VMP1: variants seen among roughly 807,000 people sequenced by gnomAD.
VMP1 encodes vacuole membrane protein 1.
A neutral mutation model predicts 56.0 loss-of-function variants in VMP1; 11 were observed. That is an observed-to-expected ratio of 0.20 (90% CI 0.12 to 0.32). VMP1 has a LOEUF of 0.32. VMP1 is among the 10% of genes least tolerant of loss of function. The pLI is 1.00. For synonymous variants in VMP1, 149 were observed against 165.0 expected, an observed-to-expected ratio of 0.90 and a Z score of 0.74; for missense variants, 296 against 490.3, an observed-to-expected ratio of 0.60 and a Z score of 3.74.
At chr17:59,738,113 A>T (rs1348860711) in intron 4 of VMP1, among the ~76,000 whole-genome samples, 2 of 152,208 alleles carry the variant, frequency 1.3e-5, no homozygotes, top group Non-Finnish European at 2.9e-5. Context: ...TCACAGCAGC[A>T]TGAATCCGTT....
At chr17:59,799,306 T>C (rs1259992144) in intron 7 of VMP1, among the ~76,000 whole-genome samples, 2 of 152,196 alleles carry the variant, frequency 1.3e-5, no homozygotes, top group East Asian at 1.9e-4. Context: ...TGCAGTATTA[T>C]AGAGTTTTAC....
At chr17:59,802,694 T>A (rs900112082) in intron 7 of VMP1, among the ~76,000 whole-genome samples, 3 of 152,126 alleles carry the variant, frequency 2.0e-5, no homozygotes. Context: ...GCCTCCTGAG[T>A]AGCTAGGATT....
intron 5 of VMP1, among the ~76,000 whole-genome samples, chr17:59,748,835 A>G (rs2035528694): frequency 6.6e-6 from 1 of 151,890 alleles, no homozygotes; most frequent in Non-Finnish European, 1.5e-5. Flanking sequence ...GGCAATTTGG[A>G]CCAACTCTCC....
Position 59,841,432 on chromosome 17 carries a change from T to C in VMP1, c.*1521T>C, listed in dbSNP as rs532499147. ...ATAATCAGAAACTCTGGTCCTTCTG[T>C]CTGGTGGCACTTAGAGTCTTTTGTG... On this transcript the variant is annotated 3_prime_UTR_variant, in exon 12 of 12. Coordinates refer to ENST00000262291, the MANE Select transcript of VMP1 (RefSeq NM_030938.5). The C allele has an allele frequency of 2.7e-6, 1 of 372,052 alleles. No homozygotes were observed. The highest frequency in any genetic ancestry group is 6.7e-5 in the East Asian group (1 of 15,022). The allele number at this position is 372,052 out of a possible 1,614,324, so 23.0% of individuals were successfully genotyped here.
intron 4 of VMP1, among the ~76,000 whole-genome samples, chr17:59,738,020 C>T (rs1023385975): frequency 1.3e-5 from 2 of 152,106 alleles, no homozygotes; most frequent in Non-Finnish European, 2.9e-5. Context: ...GATCTGGCTG[C>T]CTTGGCCTCC....
In VMP1 at chr17:59,765,088, A is replaced by G. The variant is rs1168792073; in HGVS notation, c.532A>G (p.Ile178Val). 3 of 1,614,078 alleles carry G rather than the reference A, an allele frequency of 1.9e-6. No homozygotes were observed. Among genetic ancestry groups the G allele is most frequent in the African/African-American group, 1.3e-5 (1 of 75,018 alleles). Residue 178 changes from isoleucine to valine, a missense_variant, in exon 6 of 12, where the codon ATT becomes GTT. Transcript: ENST00000262291. ...CPDEEGTEGT[I>V]SLWSIISKVR... ...AGATGAAGAGGGCACTGAAGGAACCATTTCTTTGTGGAGTATCATCTCAAA... is the reference window on the plus strand; with the variant it reads ...AGATGAAGAGGGCACTGAAGGAACCGTTTCTTTGTGGAGTATCATCTCAAA...
chr17:59,744,306 C>T (rs1262211116), intron 5 of VMP1, among the ~76,000 whole-genome samples: 1 of 151,150 alleles, frequency 6.6e-6, no homozygotes, highest in Non-Finnish European at 1.5e-5. Context: ...ACTAAAAACA[C>T]AAGAAATTAG....
chr17:59,832,768 T>TA (rs2038858236), intron 10 of VMP1, among the ~76,000 whole-genome samples: 1 of 147,480 alleles, frequency 6.8e-6, no homozygotes, highest in African/African-American at 2.5e-5. Context: ...AATATTTTTT[T>TA]TTTTTTTTTT....
chr17:59,742,810 T>G (rs913836562), intron 5 of VMP1, among the ~76,000 whole-genome samples: 2 of 152,128 alleles, frequency 1.3e-5, no homozygotes, highest in African/African-American at 4.8e-5. Flanking sequence ...AGCAGCAGCA[T>G]CAGATTCTCA....
In VMP1 at chr17:59,840,232, C is replaced by G. The variant is rs1410195623; in HGVS notation, c.*321C>G. ...ATACAATTAGAGAATTCCCACCGCA[C>G]AAAAAAAGTTCCTAAGTATGTTAAA... On this transcript the variant is annotated 3_prime_UTR_variant, in exon 12 of 12. Coordinates refer to ENST00000262291, the MANE Select transcript of VMP1 (RefSeq NM_030938.5). The G allele has an allele frequency of 4.0e-6, 1 of 248,842 alleles. No homozygotes were observed. The highest frequency in any genetic ancestry group is 1.1e-4 in the East Asian group (1 of 9,194). The allele number at this position is 248,842 out of a possible 1,614,324, so 15.4% of individuals were successfully genotyped here.
chr17:59,736,736 C>T (rs1028825961), intron 3 of VMP1, among the ~76,000 whole-genome samples: 3 of 149,918 alleles, frequency 2.0e-5, no homozygotes, highest in Non-Finnish European at 4.4e-5. Flanking sequence ...AGAGCAAGAC[C>T]CTGTCTCTGA....
At chr17:59,767,152 G>A (rs2036262653) in intron 6 of VMP1, among the ~76,000 whole-genome samples, 3 of 149,652 alleles carry the variant, frequency 2.0e-5, no homozygotes, top group Non-Finnish European at 3.0e-5. Flanking sequence ...ATTGGGATTT[G>A]TTATGTTCCT....
At chr17:59,838,100 CTTT>C (rs371074488) in intron 10 of VMP1, 192 bp from the exon 11 acceptor site, 738 of 129,170 alleles carry the variant, frequency 5.7e-3, no homozygotes, top group Middle Eastern at 0.018. Context: ...AGTAAATTTT[CTTT>C]TTTTTTTTTT....
intron 5 of VMP1, among the ~76,000 whole-genome samples, chr17:59,763,433 G>T (rs1353801139): frequency 6.6e-6 from 1 of 151,880 alleles, no homozygotes; most frequent in Non-Finnish European, 1.5e-5. Flanking sequence ...GCATTTCCAA[G>T]AATTAAAAGT....
chr17:59,756,322 TTTTG>T (rs1417137348), intron 5 of VMP1, among the ~76,000 whole-genome samples: 4 of 152,214 alleles, frequency 2.6e-5, no homozygotes, highest in African/African-American at 9.6e-5. Context: ...TTTCATCTTT[TTTTG>T]TTTATTTATC....
intron 7 of VMP1, among the ~76,000 whole-genome samples, chr17:59,783,594 C>T (rs1343243097): frequency 6.6e-6 from 1 of 152,042 alleles, no homozygotes; most frequent in Admixed American, 6.6e-5. Context: ...TCTTCTTTTC[C>T]TTCTTTGTTC....
intron 1 of VMP1, among the ~76,000 whole-genome samples, chr17:59,728,020 T>G (rs182423333): frequency 6.6e-6 from 1 of 152,234 alleles, no homozygotes; most frequent in African/African-American, 2.4e-5. Context: ...TAGAAACCTA[T>G]ATTTTATTTC....
At chr17:59,757,519 G>A (rs2035888270) in intron 5 of VMP1, among the ~76,000 whole-genome samples, 1 of 152,078 alleles carries the variant, frequency 6.6e-6, no homozygotes. Context: ...TGTAAAAAGA[G>A]TTTTTAAAAG....
chr17:59,808,897 CA>C, intron 8 of VMP1, 21 bp downstream of exon 8: 1 of 1,601,852 alleles, frequency 6.2e-7, no homozygotes, highest in Non-Finnish European at 8.6e-7. Flanking sequence ...TGTATTAAAA[CA>C]GAACTTTTAC....
Sources: gnomAD v4.1 joint callset for allele counts (sites outside exome capture counted in the v4.1 genomes callset) on GRCh38, gnomAD v4.1.1 for gene constraint, MANE v1.5 for transcripts, NCBI Gene and HGNC (gene_info 2026-07-23, HGNC 2026-07-21) for gene names.